The following SNTB1 variants were observed in gnomAD, a reference collection of about 807,000 sequenced individuals.
SNTB1 encodes the protein beta-1-syntrophin.
In SNTB1, 36 loss-of-function variants were observed where a neutral mutation model predicts 48.9. The ratio of observed to expected loss-of-function variants is 0.74; its 90% CI spans 0.56 to 0.97. The LOEUF is 0.97. Among genes scored for constraint, SNTB1 ranks in the 50% least tolerant of loss-of-function variants. SNTB1 has a pLI of 0.00. For synonymous variants in SNTB1, 299 were observed against 294.6 expected (o/e 1.01, Z -0.15); for missense variants, 786 against 703.4 (o/e 1.12, Z -1.33).
intron 1 of SNTB1, among the ~76,000 whole-genome samples, chr8:120,809,195 C>T (rs79227784): frequency 0.022 from 3,365 of 152,260 alleles, 118 homozygotes; most frequent in African/African-American, 0.074. Flanking sequence ...AACACTTTGG[C>T]TCAGAATAAG....
intron 1 of SNTB1, among the ~76,000 whole-genome samples, chr8:120,779,181 C>T (rs1039924300): frequency 3.3e-5 from 5 of 152,278 alleles, no homozygotes; most frequent in Admixed American, 1.3e-4. Context: ...ATGATCACCA[C>T]CTCTATTAAG....
rs113825136 is a variant in SNTB1 at position 120,756,648 on chromosome 8, G to T, written c.571+54625C>A. ...TGAATGAGTTGAGCTACCACTTGCA[G>T]TAAAGCCCCCAGAGAAGAGTCATCT... On this transcript the variant is annotated intron_variant, in intron 1 of 6. Transcript: ENST00000517992. Among the ~76,000 whole-genome samples the T allele has an allele frequency of 9.2e-5, 14 of 152,252 alleles. No individual in the cohort carries two copies. In the East Asian group the frequency reaches 1.3e-3, roughly 15 times the overall value.
intron 1 of SNTB1, among the ~76,000 whole-genome samples, chr8:120,713,967 G>T (rs1818511580): frequency 6.6e-6 from 1 of 152,182 alleles, no homozygotes; most frequent in Admixed American, 6.5e-5. Flanking sequence ...GAACAAGAGA[G>T]TGTTAGAGCC....
At chr8:120,649,107 T>G (rs1817357972) in intron 2 of SNTB1, among the ~76,000 whole-genome samples, 1 of 149,736 alleles carries the variant, frequency 6.7e-6, no homozygotes, top group South Asian at 2.2e-4. Flanking sequence ...TTGCCTTTGG[T>G]TTGAATGTCC....
intron 1 of SNTB1, among the ~76,000 whole-genome samples, chr8:120,757,293 G>T (rs1819334360): frequency 6.6e-6 from 1 of 152,140 alleles, no homozygotes; most frequent in Non-Finnish European, 1.5e-5. Flanking sequence ...CAGTAACCAG[G>T]CCAGCTGAGC....
At chr8:120,810,351 A>G (rs1023653756) in intron 1 of SNTB1, among the ~76,000 whole-genome samples, 2 of 152,186 alleles carry the variant, frequency 1.3e-5, no homozygotes, top group African/African-American at 4.8e-5. Context: ...TCTCCCCCAC[A>G]TAACTCAACA....
intron 1 of SNTB1, among the ~76,000 whole-genome samples, chr8:120,806,108 G>C (rs1820330606): frequency 6.6e-6 from 1 of 152,246 alleles, no homozygotes; most frequent in Non-Finnish European, 1.5e-5. Flanking sequence ...AAGTGACGAG[G>C]CAGAATTAGC....
rs899068797 is a variant in SNTB1, at chr8:120,627,133, T to C, written c.996+5311A>G. ...CACCCATAGATTTTGAAAGAAGCGA[T>C]GTGATTGGTCACCAGTCAGGATGTA... On this transcript the variant is annotated intron_variant, in intron 3 of 6. Transcript: ENST00000517992. 2.6e-5 allele frequency among the ~76,000 whole-genome samples: 4 copies of C among 152,192 alleles called. No individual in the cohort carries two copies. In the East Asian group the frequency reaches 7.7e-4, roughly 29 times the overall value.
chr8:120,614,105 A>G (rs1816669753), intron 3 of SNTB1, among the ~76,000 whole-genome samples: 2 of 152,230 alleles, frequency 1.3e-5, no homozygotes, highest in Non-Finnish European at 2.9e-5. Flanking sequence ...GTTTATCCAC[A>G]GCATTACAGC....
At chr8:120,761,790 C>T (rs987638829) in intron 1 of SNTB1, among the ~76,000 whole-genome samples, 9 of 152,150 alleles carry the variant, frequency 5.9e-5, no homozygotes, top group African/African-American at 2.2e-4. Context: ...ACAAGTTCTA[C>T]GATTATAACA....
chr8:120,557,286 C>T lies in SNTB1; in HGVS notation c.1137-8328G>A, dbSNP rs1479098742. Reference sequence around the variant, plus strand: ...CCCAGGGATGTTAAGAATATTCTCCCCTCAAAAGCCCGTGTTTCCATCAAA... The same window carrying T: ...CCCAGGGATGTTAAGAATATTCTCCTCTCAAAAGCCCGTGTTTCCATCAAA... On this transcript the variant is annotated intron_variant, in intron 4 of 6. Coordinates refer to ENST00000517992, the MANE Select transcript of SNTB1 (RefSeq NM_021021.4). Among the ~76,000 whole-genome samples the T allele has an allele frequency of 2.0e-5, 3 of 152,152 alleles. No homozygotes were observed. The South Asian group carries it at 6.2e-4, about 32-fold the overall frequency.
At position 120,537,484 on chromosome 8, in the gene SNTB1, T is replaced by C. The variant is rs772074460; in HGVS notation, c.*1393A>G. 19 of 152,188 alleles carry C rather than the reference T, an allele frequency of 1.2e-4. No homozygotes were observed. The highest frequency in any genetic ancestry group is 2.5e-4 in the Non-Finnish European group (17 of 68,016). 9.4% of individuals were successfully genotyped at this position (152,188 alleles called of 1,614,324 possible). On this transcript the variant is annotated 3_prime_UTR_variant, in exon 7 of 7. Coordinates refer to ENST00000517992, the MANE Select transcript of SNTB1 (RefSeq NM_021021.4). ...AACAAATATGTCTGAGTGAGAAAAA[T>C]TGTGTTCCTTTAACACGGTTTCACT...
At chr8:120,757,757 T>G (rs1444168481) in intron 1 of SNTB1, among the ~76,000 whole-genome samples, 1 of 152,206 alleles carries the variant, frequency 6.6e-6, no homozygotes, top group African/African-American at 2.4e-5. Flanking sequence ...CACAGAGGTA[T>G]AGACACTGGA....
intron 1 of SNTB1, among the ~76,000 whole-genome samples, chr8:120,707,397 A>C (rs1038571979): frequency 2.6e-5 from 4 of 151,974 alleles, no homozygotes; most frequent in Non-Finnish European, 5.9e-5. Flanking sequence ...CTTGCTTCAT[A>C]CTCTCTCAGG....
intron 1 of SNTB1, among the ~76,000 whole-genome samples, chr8:120,763,042 C>T (rs1344889187): frequency 6.6e-6 from 1 of 152,122 alleles, no homozygotes; most frequent in African/African-American, 2.4e-5. Flanking sequence ...CTGAACTAGC[C>T]TTTCTGACTC....
At chr8:120,547,059 G>A (rs956119884) in intron 5 of SNTB1, among the ~76,000 whole-genome samples, 2 of 152,006 alleles carry the variant, frequency 1.3e-5, no homozygotes, top group East Asian at 3.9e-4. Flanking sequence ...GTGTGATCTC[G>A]TGCAAGTTAT....
intron 3 of SNTB1, among the ~76,000 whole-genome samples, chr8:120,607,386 C>A (rs79875708): frequency 6.6e-6 from 1 of 151,090 alleles, no homozygotes; most frequent in African/African-American, 2.4e-5. Flanking sequence ...CTTTTTTTTT[C>A]TTTTCTTTTT....
chr8:120,721,011 C>T lies in SNTB1; in HGVS notation c.572-27103G>A, dbSNP rs1033964182. Among the ~76,000 whole-genome samples the T allele has an allele frequency of 5.9e-5, 9 of 152,164 alleles. No homozygotes were observed. The East Asian group carries it at 7.7e-4, about 13-fold the overall frequency. On this transcript the variant is annotated intron_variant, in intron 1 of 6. Transcript: ENST00000517992. ...TCATTAGGGGATTTAAATACTTGGG[C>T]GTATTCCTGAGACAGCCTGGGTAGC... is the stretch of plus-strand genomic sequence containing the variant.
intron 3 of SNTB1, among the ~76,000 whole-genome samples, chr8:120,615,202 G>T (rs1037431243): frequency 6.6e-6 from 1 of 152,048 alleles, no homozygotes; most frequent in African/African-American, 2.4e-5. Context: ...TGGGCATCTT[G>T]CTTCCCTCCC....
Sources: allele counts gnomAD v4.1 joint callset (sites outside exome capture counted in the v4.1 genomes callset), GRCh38; gene constraint gnomAD v4.1.1; transcripts MANE v1.5; gene names NCBI Gene and HGNC (gene_info 2026-07-23, HGNC 2026-07-21).